RNF150: variants seen among roughly 807,000 people sequenced by gnomAD.
The protein encoded by RNF150 is ring finger protein 150.
In RNF150, 24 loss-of-function variants were observed where a neutral mutation model predicts 39.3. That is an observed-to-expected ratio of 0.61 (90% CI 0.44 to 0.86). The LOEUF (loss-of-function observed/expected upper bound fraction) is 0.86, where lower values mean the gene tolerates loss of function less well. RNF150 is among the 40% of genes least tolerant of loss of function. The pLI is 0.00. For missense variants in RNF150, 502 were observed against 587.8 expected, an observed-to-expected ratio of 0.85 and a Z score of 1.51; for synonymous variants, 255 against 227.3, an observed-to-expected ratio of 1.12 and a Z score of -1.10.
chr4:141,208,555 C>T (rs1728413914), intron 1 of RNF150, among the ~76,000 whole-genome samples: 3 of 152,314 alleles, frequency 2.0e-5, no homozygotes, highest in Middle Eastern at 3.4e-3. Flanking sequence ...GGAATGCTAG[C>T]AGCTATACCT....
chr4:141,014,122 A>C (rs1156762917), intron 1 of RNF150, among the ~76,000 whole-genome samples: 1 of 152,192 alleles, frequency 6.6e-6, no homozygotes, highest in Non-Finnish European at 1.5e-5. Flanking sequence ...TTCACTTAGC[A>C]TCACGTTCTC....
intron 1 of RNF150, among the ~76,000 whole-genome samples, chr4:141,164,584 C>A (rs1166032709): frequency 6.6e-6 from 1 of 152,142 alleles, no homozygotes; most frequent in East Asian, 1.9e-4. Flanking sequence ...AAAGGAAGCC[C>A]ATCAGACTAG....
chr4:141,008,180 A>G (rs1256522659), intron 1 of RNF150, among the ~76,000 whole-genome samples: 1 of 152,240 alleles, frequency 6.6e-6, no homozygotes, highest in African/African-American at 2.4e-5. Context: ...GTAAGTTTCA[A>G]TGTATACTTG....
chr4:140,911,770 G>C (rs1421875987), intron 5 of RNF150, among the ~76,000 whole-genome samples: 1 of 152,100 alleles, frequency 6.6e-6, no homozygotes, highest in African/African-American at 2.4e-5. Flanking sequence ...CTCATGTGTT[G>C]TTTACAAATA....
intron 1 of RNF150, among the ~76,000 whole-genome samples, chr4:141,121,321 C>T (rs1035296328): frequency 1.3e-5 from 2 of 152,242 alleles, no homozygotes; most frequent in East Asian, 3.9e-4. Context: ...TTTCTCTCTC[C>T]CCAGACAAGT....
intron 2 of RNF150, among the ~76,000 whole-genome samples, chr4:140,952,555 C>T (rs918651555): frequency 2.0e-5 from 3 of 152,154 alleles, no homozygotes; most frequent in Non-Finnish European, 4.4e-5. Context: ...ACGCTTTCCA[C>T]GCCCTTTTAA....
At chr4:140,880,088 G>GA (rs75837240) in intron 6 of RNF150, among the ~76,000 whole-genome samples, 21,185 of 151,962 alleles carry the variant, frequency 0.14, 1,755 homozygotes, top group East Asian at 0.38. Context: ...GATCTTGGAA[G>GA]AAAGCTTTCA....
At chr4:141,165,053 G>A (rs775263386) in intron 1 of RNF150, among the ~76,000 whole-genome samples, 89 of 152,204 alleles carry the variant, frequency 5.8e-4, no homozygotes, top group Admixed American at 1.0e-3. Context: ...CAGGAGACCC[G>A]TCTCACATGC....
In RNF150 at chr4:141,132,771, G is replaced by A. The variant is rs1726935104; in HGVS notation, c.38C>T (p.Ala13Val). The A allele has an allele frequency of 8.1e-6, 13 of 1,610,366 alleles. No individual in the cohort carries two copies. The highest frequency in any genetic ancestry group is 1.1e-5 in the Non-Finnish European group (13 of 1,178,528). Reference protein sequence around the residue: ...MSLIQACCSLALSTWLLSFCF... With the variant: ...MSLIQACCSLVLSTWLLSFCF... ...AAAGGAAAGCAGCCATGTTGAGAGA[G>A]CCAGACTGCAGCACGCTTGGATGAG... The change falls in exon 1 of 7, where the codon GCT becomes GTT. Residue 13 changes from alanine to valine, a missense_variant. Ala to Val is a moderately conservative substitution (Grantham distance 64). Coordinates refer to ENST00000515673, the MANE Select transcript of RNF150 (RefSeq NM_020724.2). This position sits in a 1 kb window ranked among gnomAD's most constrained non-coding sequence, Gnocchi z 4.9.
At chr4:141,019,033 A>AATATATATATAT (rs10527652) in intron 1 of RNF150, among the ~76,000 whole-genome samples, 1 of 126,424 alleles carries the variant, frequency 7.9e-6, no homozygotes, top group African/African-American at 3.1e-5. Context: ...ACTGCAAAGA[A>AATATATATATAT]ATATATATAT....
At chr4:141,152,923 C>T (rs1271170972) in intron 1 of RNF150, among the ~76,000 whole-genome samples, 2 of 152,146 alleles carry the variant, frequency 1.3e-5, no homozygotes, top group Non-Finnish European at 2.9e-5. Context: ...TGGTGGTTTG[C>T]TGCACCTATC....
chr4:141,075,224 T>C (rs1332172825), intron 1 of RNF150, among the ~76,000 whole-genome samples: 2 of 152,236 alleles, frequency 1.3e-5, no homozygotes, highest in Non-Finnish European at 2.9e-5. Context: ...CTGTTGCAAC[T>C]ATTCAACTCT....
intron 1 of RNF150, among the ~76,000 whole-genome samples, chr4:141,114,931 A>G (rs965419962): frequency 7.2e-5 from 11 of 152,356 alleles, no homozygotes; most frequent in African/African-American, 2.6e-4. Context: ...GGCTTTCGAT[A>G]CAATTCAACA....
intron 1 of RNF150, among the ~76,000 whole-genome samples, chr4:141,147,901 A>T (rs1480755047): frequency 6.6e-6 from 1 of 152,224 alleles, no homozygotes; most frequent in Non-Finnish European, 1.5e-5. Context: ...CAGAAATATG[A>T]GGCGTAGAGA....
chr4:141,053,577 G>A, intron 1 of RNF150: 1 of 577,138 alleles, frequency 1.7e-6, no homozygotes, highest in Non-Finnish European at 2.6e-6. Flanking sequence ...GAGATATAAT[G>A]GGGAAAGAAA....
chr4:141,097,708 T>C lies in RNF150; in HGVS notation c.484+34617A>G, dbSNP rs370870666. On this transcript the variant is annotated intron_variant, in intron 1 of 6. Transcript: ENST00000515673. The stretch of plus-strand genomic sequence containing the variant: ...TAATGAGGATAGCCTTTTTTTCCTT[T>C]CATTTTTTGAACCATTTATATTCCT... Among the ~76,000 whole-genome samples, 37 of 152,294 alleles carry C rather than the reference T, an allele frequency of 2.4e-4. No individual in the cohort carries two copies. The East Asian group carries it at 6.8e-3, about 28-fold the overall frequency.
At chr4:141,031,408 T>C (rs1735939641) in intron 1 of RNF150, among the ~76,000 whole-genome samples, 1 of 151,836 alleles carries the variant, frequency 6.6e-6, no homozygotes, top group East Asian at 1.9e-4. Context: ...ACAAATGGAA[T>C]TGCATCAAAG....
intron 1 of RNF150, among the ~76,000 whole-genome samples, chr4:140,983,853 T>A (rs1733938307): frequency 6.6e-6 from 1 of 151,548 alleles, no homozygotes; most frequent in Non-Finnish European, 1.5e-5. Context: ...GATTTTCGTG[T>A]CTCAGCCTCT....
intron 1 of RNF150, among the ~76,000 whole-genome samples, chr4:141,131,308 G>A (rs1407828784): frequency 1.3e-5 from 2 of 152,244 alleles, no homozygotes; most frequent in Non-Finnish European, 2.9e-5. Context: ...CCTCCTTCCG[G>A]GCACTGGATG....
Sources: allele counts gnomAD v4.1 joint callset (sites outside exome capture counted in the v4.1 genomes callset), GRCh38; gene constraint gnomAD v4.1.1; non-coding constraint Gnocchi (gnomAD v3.1); transcripts MANE v1.5; gene names NCBI Gene and HGNC (gene_info 2026-07-23, HGNC 2026-07-21).